The following CABIN1 variants were observed in gnomAD, a reference collection of about 807,000 sequenced individuals.
The protein encoded by CABIN1 is calcineurin-binding protein cabin-1.
Under a neutral mutation model 227.7 loss-of-function variants are expected in CABIN1, and 133 were observed. That is an observed-to-expected ratio of 0.58 (90% confidence interval 0.51 to 0.67). CABIN1 has a LOEUF of 0.67. CABIN1 is among the 30% of genes least tolerant of loss of function. The probability of loss-of-function intolerance (pLI) is 0.00; values close to 1 mark genes in which losing one functional copy is unlikely to be tolerated. For synonymous variants in CABIN1, 1,086 were observed against 1,155.1 expected (o/e 0.94, Z 1.21); for missense variants, 2,408 against 2,852.5 (o/e 0.84, Z 3.55).
Position 24,038,432 on chromosome 22 carries a change from G to A in CABIN1, c.181G>A (p.Glu61Lys). The A allele has an allele frequency of 6.2e-7, 1 of 1,613,896 alleles. No individual in the cohort carries two copies. The highest frequency in any genetic ancestry group is 1.7e-5 in the Admixed American group (1 of 60,028). The stretch of plus-strand genomic sequence containing the variant: ...TGAGGAGTCTGCCAAAGCCTACCAT[G>A]AGCTCTTGGAGGCGAGCCTGCTGCG... The part of the protein sequence containing the change: ...RFEESAKAYH[E>K]LLEASLLREA... Residue 61 changes from glutamate (E) to lysine (K), a missense_variant, in exon 4 of 37, where the codon GAG (glutamate) becomes AAG (lysine). Glu to Lys is a moderately conservative substitution (Grantham distance 56, BLOSUM62 1). Around this residue, in one of 3 missense-constraint regions of CABIN1, gnomAD observed 1,045 missense variants for 1,168.4 expected, o/e 0.89. Coordinates refer to ENST00000263119, the MANE Select transcript of CABIN1 (RefSeq NM_012295.4).
chr22:24,047,916 G>A (rs1425291331), intron 6 of CABIN1, among the ~76,000 whole-genome samples: 2 of 152,254 alleles, frequency 1.3e-5, no homozygotes, highest in African/African-American at 4.8e-5. Context: ...GTGTTTCTCT[G>A]TGTGTTCACT....
chr22:24,045,663 A>C (rs1223718941), intron 6 of CABIN1, among the ~76,000 whole-genome samples: 1 of 152,128 alleles, frequency 6.6e-6, no homozygotes, highest in Non-Finnish European at 1.5e-5. Flanking sequence ...ACAGCAGCCC[A>C]CTTGTTGGTA....
rs1402210758 is a variant in CABIN1, at chr22:24,021,972, A to G, written c.-75+10605A>G. Among the ~76,000 whole-genome samples the G allele has an allele frequency of 3.3e-5, 5 of 152,236 alleles. No homozygotes were observed. In the East Asian group the frequency reaches 9.6e-4, roughly 29 times the overall value. The stretch of plus-strand genomic sequence containing the variant: ...AGTGCTGGGATTACAGGTGTGAGCC[A>G]CCGTGCCCGGCCAGCATATTCTTGA... On this transcript the variant is annotated intron_variant, in intron 1 of 36. Coordinates refer to ENST00000263119, the MANE Select transcript of CABIN1 (RefSeq NM_012295.4).
intron 13 of CABIN1, among the ~76,000 whole-genome samples, chr22:24,062,346 ATTTTTTTTTT>A (rs35757164): frequency 6.2e-4 from 60 of 96,558 alleles, no homozygotes; most frequent in African/African-American, 2.1e-3. Flanking sequence ...GGTGATACGG[ATTTTTTTTTT>A]TTTTTTTTTT....
In CABIN1 at chr22:24,165,525, C is replaced by T. The variant is rs757756889; in HGVS notation, c.4911-5C>T. ...TCCTCTCTGACTACCCCTGTATGACCGCAGGAAGTATCTGCGAGATGCTGA... is the reference window on the plus strand; with the variant it reads ...TCCTCTCTGACTACCCCTGTATGACTGCAGGAAGTATCTGCGAGATGCTGA... On this transcript the variant is annotated splice_region_variant and splice_polypyrimidine_tract_variant and intron_variant, in intron 30 of 36. Coordinates refer to ENST00000263119, the MANE Select transcript of CABIN1 (RefSeq NM_012295.4). 18 of 1,611,632 alleles carry T rather than the reference C, an allele frequency of 1.1e-5. No homozygotes were observed. The highest frequency in any genetic ancestry group is 5.1e-6 in the Non-Finnish European group (6 of 1,179,442).
intron 1 of CABIN1, among the ~76,000 whole-genome samples, chr22:24,013,260 G>C (rs1480734077): frequency 1.4e-5 from 2 of 140,370 alleles, no homozygotes; most frequent in Non-Finnish European, 3.0e-5. Context: ...GCAGTGGTGC[G>C]ATCTCGCCTC....
intron 29 of CABIN1, among the ~76,000 whole-genome samples, chr22:24,160,731 G>T (rs2046103975): frequency 6.6e-6 from 1 of 152,230 alleles, no homozygotes; most frequent in South Asian, 2.1e-4. Flanking sequence ...TGTTGGCCGG[G>T]AATAGCAGTG....
intron 28 of CABIN1, among the ~76,000 whole-genome samples, chr22:24,129,999 G>C (rs779797024): frequency 6.6e-6 from 1 of 152,244 alleles, no homozygotes; most frequent in Non-Finnish European, 1.5e-5. Context: ...AAGCAGGGAT[G>C]GTCCAGATAG....
intron 28 of CABIN1, 63 bp downstream of exon 28, chr22:24,119,761 TTGG>T: frequency 6.8e-7 from 1 of 1,464,582 alleles, no homozygotes. Context: ...TCTTTGAAGG[TTGG>T]TGGGCAGAGC....
chr22:24,177,430 G>A lies in CABIN1; in HGVS notation c.6206-74G>A, dbSNP rs1009428465. 2.3e-5 allele frequency: 30 copies of A among 1,287,088 alleles called. No homozygotes were observed. The highest frequency in any genetic ancestry group is 1.9e-4 in the Middle Eastern group (1 of 5,148). 79.7% of individuals were successfully genotyped at this position (1,287,088 alleles called of 1,614,324 possible). A position where few individuals can be genotyped will look rare whatever the true frequency, so the allele number is the denominator to read the frequency against. ...TAAAGGCCCAGGACCTGGGGGGAGC[G>A]GGTGGGGGCGAGATAAAGTGCTCAC... On this transcript the variant is annotated intron_variant, in intron 35 of 36. Coordinates refer to ENST00000263119, the MANE Select transcript of CABIN1 (RefSeq NM_012295.4). The surrounding 1 kb of genome is among the most constrained non-coding windows in gnomAD (Gnocchi z 4.4).
chr22:24,155,149 G>T (rs1341949952), intron 29 of CABIN1, among the ~76,000 whole-genome samples: 2 of 152,114 alleles, frequency 1.3e-5, no homozygotes, highest in Non-Finnish European at 2.9e-5. Flanking sequence ...CCAGGAGTTG[G>T]TAGACTGTCC....
intron 34 of CABIN1, 77 bp downstream of exon 34, chr22:24,172,072 A>T (rs1260394639): frequency 4.6e-6 from 7 of 1,522,974 alleles, no homozygotes; most frequent in Non-Finnish European, 6.2e-6. Context: ...GAGTGTGAGT[A>T]TGGGTAAGGG....
intron 1 of CABIN1, among the ~76,000 whole-genome samples, chr22:24,014,052 A>G (rs1003329718): frequency 5.9e-5 from 9 of 152,224 alleles, no homozygotes; most frequent in African/African-American, 2.2e-4. Context: ...CCATAAAATT[A>G]CTATCCCTTT....
chr22:24,069,432 T>C (rs1388956295), intron 16 of CABIN1, among the ~76,000 whole-genome samples: 1 of 152,218 alleles, frequency 6.6e-6, no homozygotes, highest in African/African-American at 2.4e-5. Flanking sequence ...TCCTCATTCA[T>C]TGGTGTTTAT....
At chr22:24,161,486 A>G (rs2046149646) in intron 29 of CABIN1, among the ~76,000 whole-genome samples, 1 of 152,150 alleles carries the variant, frequency 6.6e-6, no homozygotes, top group Non-Finnish European at 1.5e-5. Flanking sequence ...CTGAGGGAGA[A>G]CTAGGAGAGG....
intron 5 of CABIN1, 78 bp from the exon 6 acceptor site, chr22:24,042,818 CTGTGTGTG>C (rs56070926): frequency 0.01 from 7,196 of 686,106 alleles, 19 homozygotes; most frequent in African/African-American, 0.021. Flanking sequence ...AGAGATCTGA[CTGTGTGTG>C]TGTGTGTGTG....
At chr22:24,076,387 T>C in intron 19 of CABIN1, 103 bp downstream of exon 19, 9 of 907,054 alleles carry the variant, frequency 9.9e-6, no homozygotes, top group Non-Finnish European at 1.4e-5. Context: ...CTGGGCTTGC[T>C]TGGCCTTCCC....
chr22:24,066,085 T>C (rs972439378), intron 15 of CABIN1, among the ~76,000 whole-genome samples: 3 of 152,210 alleles, frequency 2.0e-5, no homozygotes, highest in Non-Finnish European at 2.9e-5. Context: ...TGGTATTTTT[T>C]AGTCAAAGGT....
chr22:24,067,273 G>C (rs2039752692), intron 16 of CABIN1, 92 bp downstream of exon 16: 1 of 1,307,432 alleles, frequency 7.6e-7, no homozygotes, highest in Non-Finnish European at 1.1e-6. Context: ...TAGTTCTTAA[G>C]AATGTATAGC....
Sources: gnomAD v4.1 joint callset for allele counts (sites outside exome capture counted in the v4.1 genomes callset) on GRCh38, gnomAD v4.1.1 for gene constraint, gnomAD v4.1.1 regional missense constraint, Gnocchi (gnomAD v3.1) non-coding constraint, MANE v1.5 for transcripts, NCBI Gene and HGNC (gene_info 2026-07-23, HGNC 2026-07-21) for gene names.